Variants in LAMA5 observed in about 807,000 individuals in gnomAD.
LAMA5 encodes laminin subunit alpha-5.
In LAMA5, 260 loss-of-function variants were observed where a neutral mutation model predicts 433.4. The ratio of observed to expected loss-of-function variants is 0.60; its 90% CI spans 0.54 to 0.66. The LOEUF (loss-of-function observed/expected upper bound fraction) is 0.66. Among genes scored for constraint, LAMA5 ranks in the 30% least tolerant of loss-of-function variants. The pLI, the probability that LAMA5 is intolerant of heterozygous loss-of-function variation, is 0.00. For synonymous variants in LAMA5, 2,620 were observed against 2,226.6 expected (o/e 1.18, Z -4.97); for missense variants, 5,378 against 5,258.5 (o/e 1.02, Z -0.70).
rs1981700841 is a variant in LAMA5 at position 62,336,753 on chromosome 20, A to G, written c.2198T>C (p.Val733Ala). ...GCTCACCTCAGGAAGGGCAGGATCCACTGGGGCCAGACCGGCAGGGTGGCA... is the reference window on the plus strand; with the variant it reads ...GCTCACCTCAGGAAGGGCAGGATCCGCTGGGGCCAGACCGGCAGGGTGGCA... ...GSCHPAGLAP[V>A]DPALPEAQVP... is the part of the protein sequence containing the mutation. Residue 733 changes from valine to alanine, a missense_variant, in exon 17 of 80, where the codon GTG becomes GCG. By Grantham distance (64) the Val-to-Ala change is moderately conservative. Coordinates refer to ENST00000252999, the MANE Select transcript of LAMA5 (RefSeq NM_005560.6). The G allele has an allele frequency of 1.9e-6, 3 of 1,612,926 alleles. No homozygotes were observed. Among genetic ancestry groups the G allele is most frequent in the Non-Finnish European group, 2.5e-6 (3 of 1,179,992 alleles).
In LAMA5 at chr20:62,364,292, G is replaced by A. The variant is rs376605251; in HGVS notation, c.298-1740C>T. On this transcript the variant is annotated intron_variant, in intron 1 of 79. Coordinates refer to ENST00000252999, the MANE Select transcript of LAMA5 (RefSeq NM_005560.6). ...CCTGGAGAAGGTAGGTGTGGGCGGC[G>A]CCCTCTGGCTGGGACAGCCGGACCT... 5.9e-5 allele frequency among the ~76,000 whole-genome samples: 9 copies of A among 152,180 alleles called. No homozygotes were observed. The East Asian group carries it at 1.2e-3, about 20-fold the overall frequency.
chr20:62,310,890 C>G lies in LAMA5; in HGVS notation c.10281+12G>C, dbSNP rs775085649. 5 of 1,608,986 alleles carry G rather than the reference C, an allele frequency of 3.1e-6. No homozygotes were observed. Among genetic ancestry groups the G allele is most frequent in the East Asian group, 4.5e-5 (2 of 44,828 alleles). ...GGCCCTGCCCACCACCTTCCTTCTTCTCGGCCCTCACCTTGTGCCAGCGGC... is the reference window on the plus strand; with the variant it reads ...GGCCCTGCCCACCACCTTCCTTCTTGTCGGCCCTCACCTTGTGCCAGCGGC... On this transcript the variant is annotated intron_variant, in intron 74 of 79. Transcript: ENST00000252999.
Position 62,334,752 on chromosome 20 carries a change from T to G in LAMA5, c.2483-131A>C, listed in dbSNP as rs941426643. 2.2e-3 allele frequency: 1,412 copies of G among 628,282 alleles called. 9 individuals carry two copies. The African/African-American group carries it at 0.042, about 19-fold the overall frequency. The allele number at this position is 628,282 out of a possible 1,614,324, so 38.9% of individuals were successfully genotyped here. A position where few individuals can be genotyped will look rare whatever the true frequency, so the allele number is the denominator to read the frequency against. The stretch of plus-strand genomic sequence containing the variant: ...AGAGTCAGGGCTCAGGGCTCAGGGC[T>G]CAGGGCGAGGGCGAGGGCGAGGGTG... On this transcript the variant is annotated intron_variant, in intron 20 of 79. Transcript: ENST00000252999.
intron 2 of LAMA5, among the ~76,000 whole-genome samples, chr20:62,361,394 C>T (rs1986115210): frequency 6.6e-6 from 1 of 152,196 alleles, no homozygotes; most frequent in African/African-American, 2.4e-5. Context: ...GAGCTTGAGC[C>T]CTCCCCTCAC....
Position 62,326,759 on chromosome 20 carries a change from C to G in LAMA5, c.5216G>C (p.Gly1739Ala), listed in dbSNP as rs1363685198. 6.2e-7 allele frequency: 1 copy of G among 1,612,844 alleles called. No individual in the cohort carries two copies. Among genetic ancestry groups the G allele is most frequent in the African/African-American group, 1.3e-5 (1 of 74,924 alleles). The change falls in exon 40 of 80, where the codon GGC becomes GCC. Residue 1739 changes from glycine to alanine, a missense_variant and splice_region_variant. Physicochemically the swap from Gly to Ala is moderately conservative, Grantham distance 60. Transcript: ENST00000252999. ...CAGGAATGTGATGCTCATCTGGTTG[C>G]CCTGGGAAGGCACATGGGGAGGTGA... Reference protein sequence around the residue: ...MESRPDVVLQGNQMSITFLEP... With the variant: ...MESRPDVVLQANQMSITFLEP...
intron 57 of LAMA5, chr20:62,316,386 C>T: frequency 1.9e-6 from 1 of 535,316 alleles, no homozygotes; most frequent in Non-Finnish European, 3.3e-6. Context: ...GCCCTCGGGT[C>T]AGCAGAGCAG....
At chr20:62,319,247 C>T (rs1217765564) in intron 51 of LAMA5, 2 of 560,754 alleles carry the variant, frequency 3.6e-6, no homozygotes, top group Non-Finnish European at 6.3e-6. Context: ...GCTCAGCCAG[C>T]TTCTGAGCCT....
chr20:62,312,359 T>C (rs750013369), intron 68 of LAMA5, 41 bp downstream of exon 68: 17 of 1,601,554 alleles, frequency 1.1e-5, no homozygotes. Flanking sequence ...TGCCCCTGCA[T>C]GTCCACAGAT....
Position 62,333,457 on chromosome 20 carries a change from C to T in LAMA5, c.3046G>A (p.Ala1016Thr), listed in dbSNP as rs865915874. The stretch of plus-strand genomic sequence containing the variant: ...TGCAGGAGCGCCGCCTCGTAGTATG[C>T]GCTAGGCAGCAGAACCACGTAGTCC... ...LLDYVVLLPS[A>T]YYEAALLQLR... The change falls in exon 25 of 80, where the codon GCA (alanine) becomes ACA (threonine). Residue 1016 changes from alanine (A) to threonine (T), a missense_variant. Coordinates refer to ENST00000252999, the MANE Select transcript of LAMA5 (RefSeq NM_005560.6). The T allele has an allele frequency of 3.1e-6, 5 of 1,612,592 alleles. No homozygotes were observed. The highest frequency in any genetic ancestry group is 2.2e-5 in the East Asian group (1 of 44,868).
chr20:62,309,607 A>AGGGGGCAGGGGGT, intron 79 of LAMA5, 109 bp downstream of exon 79: 2 of 340,056 alleles, frequency 5.9e-6, no homozygotes, highest in Non-Finnish European at 4.7e-6. Context: ...GGGGGGTGGG[A>AGGGGGCAGGGGGT]GGAGGGTGGG....
chr20:62,322,595 C>T, intron 46 of LAMA5, 63 bp downstream of exon 46: 2 of 1,445,448 alleles, frequency 1.4e-6, no homozygotes, highest in South Asian at 1.3e-5. Context: ...TCAGATTCTC[C>T]CCAGGCCCCA....
rs1193997060 is a variant in LAMA5 at position 62,345,174 on chromosome 20, T to C, written c.1477+644A>G. Among the ~76,000 whole-genome samples the C allele has an allele frequency of 2.0e-5, 3 of 152,012 alleles. No individual in the cohort carries two copies. In the East Asian group the frequency reaches 5.8e-4, roughly 30 times the overall value. On this transcript the variant is annotated intron_variant, in intron 11 of 79. Transcript: ENST00000252999. ...CTGGGATTACAGGTGCCCGCCACCA[T>C]GCCCAGCTAGTAGAGACGGGGTTTC...
intron 2 of LAMA5, among the ~76,000 whole-genome samples, chr20:62,355,738 G>C (rs1002484290): frequency 6.6e-6 from 1 of 151,618 alleles, no homozygotes; most frequent in South Asian, 2.1e-4. Context: ...CCCCACACCC[G>C]GGCCTCAGCA....
At chr20:62,313,908 G>C in intron 62 of LAMA5, 106 bp from the exon 63 acceptor site, 1 of 1,033,856 alleles carries the variant, frequency 9.7e-7, no homozygotes, top group South Asian at 1.6e-5. Flanking sequence ...GATGAGGGGT[G>C]GCGAGTGGGC....
intron 4 of LAMA5, 80 bp from the exon 5 acceptor site, chr20:62,352,159 T>C: frequency 6.3e-7 from 1 of 1,578,838 alleles, no homozygotes; most frequent in Admixed American, 1.7e-5. Context: ...CTTTCCCTTC[T>C]CCAGCCCCGC....
In LAMA5 at chr20:62,334,402, G is replaced by A. The variant is rs898315564; in HGVS notation, c.2583-60C>T. The A allele has an allele frequency of 4.5e-5, 69 of 1,528,724 alleles. 1 individual carries two copies. Among genetic ancestry groups the A allele is most frequent in the East Asian group, 4.4e-4 (18 of 40,738 alleles). The allele number at this position is 1,528,724 out of a possible 1,614,324, so 94.7% of individuals were successfully genotyped here. ...GCCATCCTACCTAGCCCTGCACAGCGGCCCCGGGTCTCCAGGGAGGGTGAG... is the reference window on the plus strand; with the variant it reads ...GCCATCCTACCTAGCCCTGCACAGCAGCCCCGGGTCTCCAGGGAGGGTGAG... On this transcript the variant is annotated intron_variant, in intron 21 of 79. Transcript: ENST00000252999.
intron 62 of LAMA5, 77 bp downstream of exon 62, chr20:62,314,227 C>A: frequency 6.5e-7 from 1 of 1,530,084 alleles, no homozygotes; most frequent in Admixed American, 1.8e-5. Flanking sequence ...GGTGGGTGCA[C>A]ACGGAGAGGG....
Position 62,315,197 on chromosome 20 carries a change from G to A in LAMA5, c.7878C>T (p.Ser2626=), listed in dbSNP as rs779815204. The change falls in exon 59 of 80, where the codon AGC becomes AGT. Residue 2626 remains serine (S), a synonymous_variant. Transcript: ENST00000252999. Reference sequence around the variant, plus strand: ...CAGCCTTGGCATGTGCGATCTTCTTGCTTGTCTCGTCTGTGGTGGGCAGAG... The same window carrying A: ...CAGCCTTGGCATGTGCGATCTTCTTACTTGTCTCGTCTGTGGTGGGCAGAG... ...AMLAMDTDET[S]KKIAHAKAVA... is the part of the protein sequence containing the mutation. 72 of 1,607,258 alleles carry A rather than the reference G, an allele frequency of 4.5e-5. No homozygotes were observed. Among genetic ancestry groups the A allele is most frequent in the Admixed American group, 8.4e-5 (5 of 59,634 alleles).
chr20:62,322,920 C>T (rs1978549028), intron 45 of LAMA5, among the ~76,000 whole-genome samples, 162 bp from the exon 46 acceptor site: 2 of 152,056 alleles, frequency 1.3e-5, no homozygotes, highest in African/African-American at 4.8e-5. Flanking sequence ...CCCCACTCCC[C>T]AGCTGCCTCC....
Sources: gnomAD v4.1 joint callset for allele counts (sites outside exome capture counted in the v4.1 genomes callset) on GRCh38, gnomAD v4.1.1 for gene constraint, MANE v1.5 for transcripts, NCBI Gene and HGNC (gene_info 2026-07-23, HGNC 2026-07-21) for gene names.